Variants in SUGCT observed in about 807,000 individuals in gnomAD.
SUGCT encodes succinyl-CoA:glutarate-CoA transferase.
A neutral mutation model predicts 55.0 loss-of-function variants in SUGCT; 41 were observed. That is an observed-to-expected ratio of 0.74 (90% CI 0.58 to 0.97). The LOEUF is 0.97. Among genes scored for constraint, SUGCT ranks in the 50% least tolerant of loss-of-function variants. SUGCT has a pLI of 0.00. For missense variants in SUGCT, 568 were observed against 547.8 expected, an observed-to-expected ratio of 1.04 and a Z score of -0.37; for synonymous variants, 187 against 200.4, an observed-to-expected ratio of 0.93 and a Z score of 0.56.
At chr7:40,586,639 A>G (rs1797395593) in intron 12 of SUGCT, among the ~76,000 whole-genome samples, 1 of 152,216 alleles carries the variant, frequency 6.6e-6, no homozygotes. Context: ...GAGTTTGAGC[A>G]CTAGGGACAG....
intron 13 of SUGCT, among the ~76,000 whole-genome samples, chr7:40,854,542 A>C (rs1794071989): frequency 6.6e-6 from 1 of 151,166 alleles, no homozygotes; most frequent in African/African-American, 2.4e-5. Context: ...GTCATACTCA[A>C]GAAACTTATT....
chr7:40,259,627 A>G (rs1791084035), intron 7 of SUGCT, among the ~76,000 whole-genome samples: 1 of 152,220 alleles, frequency 6.6e-6, no homozygotes, highest in Non-Finnish European at 1.5e-5. Context: ...CACACGAGGT[A>G]TATGTGAAAC....
At chr7:40,186,090 T>TCTTCCTTC (rs199961855) in intron 3 of SUGCT, among the ~76,000 whole-genome samples, 4,603 of 146,956 alleles carry the variant, frequency 0.031, 276 homozygotes, top group African/African-American at 0.11. Flanking sequence ...TCTCTCTTTT[T>TCTTCCTTC]CTTCCTTCCT....
chr7:40,569,341 C>T (rs766816193), intron 12 of SUGCT, among the ~76,000 whole-genome samples: 12 of 152,158 alleles, frequency 7.9e-5, no homozygotes, highest in South Asian at 6.2e-4. Context: ...GTCATCCTTT[C>T]GCTCAGTATC....
At chr7:40,213,937 T>C (rs1787484021) in intron 6 of SUGCT, among the ~76,000 whole-genome samples, 1 of 152,184 alleles carries the variant, frequency 6.6e-6, no homozygotes, top group Non-Finnish European at 1.5e-5. Context: ...GCATCAGCCC[T>C]ACAACTCAGT....
chr7:40,524,742 G>A (rs997400269), intron 12 of SUGCT, among the ~76,000 whole-genome samples: 2 of 152,114 alleles, frequency 1.3e-5, no homozygotes, highest in Admixed American at 6.6e-5. Context: ...ATTGGCTTCC[G>A]TAGTTTTTTA....
chr7:40,218,540 C>A (rs1455994512), intron 6 of SUGCT, among the ~76,000 whole-genome samples: 3 of 152,170 alleles, frequency 2.0e-5, no homozygotes, highest in Non-Finnish European at 4.4e-5. Context: ...TGTAAATGCA[C>A]CAATCAGCGC....
At chr7:40,924,952 C>A in the SUGCT span, among the ~76,000 whole-genome samples, 1 of 152,142 alleles carries the variant, frequency 6.6e-6, no homozygotes, top group Non-Finnish European at 1.5e-5. Flanking sequence ...ATGATGTATT[C>A]ATTCTCTAGT....
At chr7:40,699,527 G>T (rs1785083626) in intron 12 of SUGCT, among the ~76,000 whole-genome samples, 1 of 152,178 alleles carries the variant, frequency 6.6e-6, no homozygotes, top group African/African-American at 2.4e-5. Context: ...TGTAAAGGTT[G>T]AATGAATTGC....
intron 13 of SUGCT, among the ~76,000 whole-genome samples, chr7:40,834,491 T>C (rs550554969): frequency 2.6e-4 from 40 of 152,334 alleles, no homozygotes; most frequent in African/African-American, 9.6e-4. Flanking sequence ...TGCAGGGTTT[T>C]ATTTAACTAA....
intron 12 of SUGCT, among the ~76,000 whole-genome samples, chr7:40,623,064 A>C (rs1444439354): frequency 6.6e-6 from 1 of 152,142 alleles, no homozygotes; most frequent in East Asian, 1.9e-4. Context: ...ATCTCTGTCC[A>C]AACTCTCTGA....
In SUGCT at chr7:40,832,746, C is replaced by T. The variant is rs1176532744; in HGVS notation, c.1154-27570C>T. Among the ~76,000 whole-genome samples, 4 of 151,422 alleles carry T rather than the reference C, an allele frequency of 2.6e-5. No individual in the cohort carries two copies. In the East Asian group the frequency reaches 7.8e-4, roughly 29 times the overall value. ...CTGGAGTGCAGTGGCCCAATCTTGG[C>T]TCACTGCAAGCTCCGCCTCCCAGGT... On this transcript the variant is annotated intron_variant, in intron 13 of 13. Coordinates refer to ENST00000335693, the MANE Select transcript of SUGCT (RefSeq NM_001193313.2).
intron 8 of SUGCT, among the ~76,000 whole-genome samples, chr7:40,304,897 C>T (rs1487226085): frequency 6.6e-6 from 1 of 152,090 alleles, no homozygotes; most frequent in East Asian, 1.9e-4. Flanking sequence ...AATCCAGCAT[C>T]CCTTTATAAT....
intron 11 of SUGCT, among the ~76,000 whole-genome samples, chr7:40,488,436 C>A (rs990511183): frequency 1.3e-5 from 2 of 152,056 alleles, no homozygotes; most frequent in East Asian, 3.9e-4. Flanking sequence ...TATTCTTTAA[C>A]GAATTATCAT....
intron 1 of SUGCT, among the ~76,000 whole-genome samples, chr7:40,139,841 T>G (rs921013230): frequency 1.3e-5 from 2 of 152,210 alleles, no homozygotes; most frequent in African/African-American, 4.8e-5. Flanking sequence ...CTAGGTTTTC[T>G]TCAGTATTTT....
intron 9 of SUGCT, among the ~76,000 whole-genome samples, chr7:40,367,412 A>C (rs960559012): frequency 6.7e-6 from 1 of 149,552 alleles, no homozygotes; most frequent in Non-Finnish European, 1.5e-5. Flanking sequence ...AACTTAAAGT[A>C]TAATAATAAT....
intron 12 of SUGCT, among the ~76,000 whole-genome samples, chr7:40,748,763 T>C (rs1465233227): frequency 6.6e-6 from 1 of 152,192 alleles, no homozygotes; most frequent in African/African-American, 2.4e-5. Flanking sequence ...TCCAGTATCC[T>C]GGAATCCTGT....
chr7:40,352,597 G>C (rs1797689940), intron 9 of SUGCT, among the ~76,000 whole-genome samples: 1 of 152,120 alleles, frequency 6.6e-6, no homozygotes, highest in Non-Finnish European at 1.5e-5. Context: ...GTTTGCTTCA[G>C]ATAATGGTCT....
the SUGCT span, among the ~76,000 whole-genome samples, chr7:40,898,944 C>G: frequency 6.6e-6 from 1 of 152,036 alleles, no homozygotes; most frequent in African/African-American, 2.4e-5. Context: ...CTTGGAACTG[C>G]CACATTTAAG....
Sources: allele counts gnomAD v4.1 joint callset (sites outside exome capture counted in the v4.1 genomes callset), GRCh38; gene constraint gnomAD v4.1.1; transcripts MANE v1.5; gene names NCBI Gene and HGNC (gene_info 2026-07-23, HGNC 2026-07-21).